INSL6: variants seen among roughly 807,000 people sequenced by gnomAD.
INSL6 encodes the protein insulin-like peptide INSL6.
INSL6 carries 16 observed loss-of-function variants against 9.4 expected under a neutral mutation model. The observed-to-expected ratio is 1.70, with a 90% confidence interval of 1.15 to 2.59. The LOEUF is 2.59. Ranked by LOEUF, INSL6 falls within the 30% of genes most tolerant of loss-of-function variation. The probability of loss-of-function intolerance (pLI) is 0.00; values close to 1 mark genes in which losing one functional copy is unlikely to be tolerated. For synonymous variants in INSL6, 154 were observed against 96.9 expected, an observed-to-expected ratio of 1.59 and a Z score of -3.46; for missense variants, 391 against 257.3, an observed-to-expected ratio of 1.52 and a Z score of -3.56.
In INSL6 at chr9:5,185,487, T is replaced by C. The variant is rs1564059792; in HGVS notation, c.116A>G (p.Lys39Arg). 13 of 1,614,188 alleles carry C rather than the reference T, an allele frequency of 8.1e-6. No homozygotes were observed. The highest frequency in any genetic ancestry group is 1.1e-5 in the South Asian group (1 of 91,078). The change falls in exon 1 of 2, where the codon AAA becomes AGA. Residue 39 changes from lysine (K) to arginine (R), a missense_variant. Lys to Arg is a conservative substitution (Grantham distance 26). Coordinates refer to ENST00000381641, the MANE Select transcript of INSL6 (RefSeq NM_007179.3). ...ATGGCCGCAGAGTTTTTCTATTTCT[T>C]TCACCAAGTACCTGCCGCACAGCTT... ...ARKLCGRYLV[K>R]EIEKLCGHAN...
At chr9:5,112,393 G>A in the INSL6 span, 6 of 439,320 alleles carry the variant, frequency 1.4e-5, no homozygotes, top group South Asian at 2.7e-5. Flanking sequence ...GAAATCAAGC[G>A]GGAGGAGGAG....
At chr9:5,112,129 G>A in the INSL6 span, 22 of 312,490 alleles carry the variant, frequency 7.0e-5, no homozygotes, top group Non-Finnish European at 1.2e-4. Flanking sequence ...CTGCAGCCAC[G>A]CCATGGGCAC....
At chr9:5,031,964 C>T in the INSL6 span, among the ~76,000 whole-genome samples, 9 of 152,236 alleles carry the variant, frequency 5.9e-5, no homozygotes, top group African/African-American at 1.2e-4. Flanking sequence ...GGCGAGGCAT[C>T]GCCACACCCG....
chr9:5,070,495 G>A, the INSL6 span, among the ~76,000 whole-genome samples: 1 of 152,016 alleles, frequency 6.6e-6, no homozygotes, highest in Non-Finnish European at 1.5e-5. Context: ...GGAACCTGTG[G>A]ATATGAAAAG....
At chr9:5,083,868 T>C in the INSL6 span, among the ~76,000 whole-genome samples, 4 of 152,164 alleles carry the variant, frequency 2.6e-5, no homozygotes, top group African/African-American at 9.6e-5. Flanking sequence ...TTTGTTGTAG[T>C]CTCTGCACAA....
the INSL6 span, chr9:5,077,307 C>G: frequency 3.6e-6 from 1 of 276,464 alleles, no homozygotes; most frequent in Non-Finnish European, 6.8e-6. Context: ...TGCTGTGTAT[C>G]CATTAAGTTT....
chr9:5,046,011 A>G, the INSL6 span, among the ~76,000 whole-genome samples: 1 of 152,184 alleles, frequency 6.6e-6, no homozygotes, highest in Non-Finnish European at 1.5e-5. Flanking sequence ...CCAGCAGTGC[A>G]CAAGTGTTCC....
the INSL6 span, among the ~76,000 whole-genome samples, chr9:4,996,773 A>C: frequency 1.3e-3 from 198 of 152,212 alleles, 1 homozygote; most frequent in Non-Finnish European, 2.4e-3. Flanking sequence ...CTATTATGAA[A>C]ATTTAAAATT....
chr9:5,054,135 A>C, the INSL6 span, among the ~76,000 whole-genome samples: 2 of 152,096 alleles, frequency 1.3e-5, no homozygotes, highest in Non-Finnish European at 2.9e-5. This position sits in a 1 kb window ranked among gnomAD's most constrained non-coding sequence, Gnocchi z 4.9. Flanking sequence ...AACAAAATGT[A>C]ACAATTTCCA....
chr9:5,167,837 AC>A (rs1825089941), intron 1 of INSL6, among the ~76,000 whole-genome samples: 1 of 151,964 alleles, frequency 6.6e-6, no homozygotes, highest in Non-Finnish European at 1.5e-5. Context: ...TCAGGTTAGC[AC>A]CCCTCTGGGA....
the INSL6 span, among the ~76,000 whole-genome samples, chr9:5,040,257 C>A: frequency 6.6e-6 from 1 of 151,322 alleles, no homozygotes; most frequent in Non-Finnish European, 1.5e-5. Context: ...CACATGTAAA[C>A]TAATGAAGTA....
the INSL6 span, among the ~76,000 whole-genome samples, chr9:5,106,843 G>A: frequency 3.9e-5 from 6 of 152,106 alleles, no homozygotes; most frequent in Non-Finnish European, 8.8e-5. Flanking sequence ...GGTGGGAGTT[G>A]AACAATGAGA....
At chr9:5,006,549 A>C in the INSL6 span, among the ~76,000 whole-genome samples, 2 of 152,190 alleles carry the variant, frequency 1.3e-5, no homozygotes, top group Non-Finnish European at 2.9e-5. Context: ...GGCTGTACAC[A>C]AGGCATGGCT....
chr9:5,128,547 C>A (rs1211386811), intron 3 of INSL6, among the ~76,000 whole-genome samples: 2 of 151,772 alleles, frequency 1.3e-5, no homozygotes, highest in Non-Finnish European at 3.0e-5. Flanking sequence ...AAAGTAGGTT[C>A]TTATCAAGGG....
chr9:5,104,708 C>A, the INSL6 span, among the ~76,000 whole-genome samples: 11 of 152,328 alleles, frequency 7.2e-5, 1 homozygote, highest in South Asian at 1.9e-3. Context: ...AGCTTATCAA[C>A]CACGATCAAG....
chr9:5,149,219 G>C (rs1824663562), intron 2 of INSL6, among the ~76,000 whole-genome samples: 1 of 152,230 alleles, frequency 6.6e-6, no homozygotes, highest in African/African-American at 2.4e-5. Context: ...TTTGGGGCCA[G>C]GAACCAGCCA....
chr9:5,036,476 ATAC>A, the INSL6 span, among the ~76,000 whole-genome samples: 1 of 152,196 alleles, frequency 6.6e-6, no homozygotes, highest in East Asian at 1.9e-4. Flanking sequence ...ACTTCAAACT[ATAC>A]TACAAGGCTA....
downstream of INSL6, among the ~76,000 whole-genome samples, chr9:5,119,940 T>C (rs1487842571): frequency 6.6e-6 from 1 of 152,156 alleles, no homozygotes; most frequent in African/African-American, 2.4e-5. Context: ...AGAATATGAA[T>C]TGATAAAATA....
the INSL6 span, among the ~76,000 whole-genome samples, chr9:5,022,784 C>T: frequency 6.6e-6 from 1 of 152,112 alleles, no homozygotes; most frequent in Admixed American, 6.5e-5. Flanking sequence ...TTTACTAGAC[C>T]ACTGAGGTTA....
Sources: allele counts gnomAD v4.1 joint callset (sites outside exome capture counted in the v4.1 genomes callset), GRCh38; gene constraint gnomAD v4.1.1; non-coding constraint Gnocchi (gnomAD v3.1); transcripts MANE v1.5; gene names NCBI Gene and HGNC (gene_info 2026-07-23, HGNC 2026-07-21).